The following AGO3 variants were observed in gnomAD, a reference collection of about 807,000 sequenced individuals.
AGO3 encodes protein argonaute-3.
Under a neutral mutation model 105.5 loss-of-function variants are expected in AGO3, and 16 were observed. The observed-to-expected ratio is 0.15, with a 90% CI of 0.10 to 0.23. AGO3 has a LOEUF of 0.23. Ranked by LOEUF, AGO3 falls within the 10% of genes least tolerant of loss-of-function variation. The pLI, the probability that AGO3 is intolerant of heterozygous loss-of-function variation, is 1.00. For synonymous variants in AGO3, 340 were observed against 367.3 expected (o/e 0.93, Z 0.85); for missense variants, 534 against 1,088.0 (o/e 0.49, Z 7.16).
chr1:35,985,471 C>G (rs1367305173), intron 5 of AGO3, among the ~76,000 whole-genome samples: 2 of 152,076 alleles, frequency 1.3e-5, no homozygotes, highest in Non-Finnish European at 2.9e-5. Flanking sequence ...CAGGAACAGG[C>G]AGATTAATGA....
chr1:35,991,308 G>A (rs1464850724), intron 5 of AGO3, among the ~76,000 whole-genome samples: 1 of 151,858 alleles, frequency 6.6e-6, no homozygotes, highest in Admixed American at 6.6e-5. Flanking sequence ...AACAAAAACA[G>A]TAATGGCTGC....
intron 5 of AGO3, among the ~76,000 whole-genome samples, chr1:35,995,898 G>A (rs1050535774): frequency 5.9e-5 from 9 of 152,032 alleles, no homozygotes; most frequent in African/African-American, 1.4e-4. Flanking sequence ...GGCTGGTCTC[G>A]AACTCCCTGA....
chr1:36,060,554 A>T lies in AGO3; in HGVS notation c.*4809A>T, dbSNP rs1412877890. ...AGCAAACGACTTCGATACAGCTAGA[A>T]TATGTTGCAGTCTTCCTATTTCAAA... is the stretch of plus-strand genomic sequence containing the variant. On this transcript the variant is annotated 3_prime_UTR_variant, in exon 19 of 19. Transcript: ENST00000373191. The T allele has an allele frequency of 1.3e-5, 2 of 152,250 alleles. No individual in the cohort carries two copies. Among genetic ancestry groups the T allele is most frequent in the Non-Finnish European group, 2.9e-5 (2 of 68,036 alleles). 9.4% of individuals were successfully genotyped at this position (152,250 alleles called of 1,614,324 possible).
chr1:35,996,103 C>A (rs1262140289), intron 5 of AGO3, among the ~76,000 whole-genome samples: 2 of 152,064 alleles, frequency 1.3e-5, no homozygotes, highest in Non-Finnish European at 2.9e-5. Context: ...CTTTGGGAGG[C>A]CTAGGCAAGA....
intron 6 of AGO3, among the ~76,000 whole-genome samples, chr1:36,006,544 A>G (rs564284428): frequency 2.0e-5 from 3 of 152,212 alleles, no homozygotes; most frequent in Non-Finnish European, 2.9e-5. Flanking sequence ...AATAACAGAA[A>G]TTTGTTTTAG....
In AGO3 at chr1:35,947,901, TAAA is replaced by T. The variant is rs1160813641; in HGVS notation, c.191+2041_191+2043del. On this transcript the variant is annotated intron_variant, in intron 2 of 18. Transcript: ENST00000373191. Reference sequence around the variant, plus strand: ...ACCCTTCTGGTAGATATTTACACTTTAAAAAGGCATTTATTAGCTGAGCCATGG... The same window carrying T: ...ACCCTTCTGGTAGATATTTACACTTTAAGGCATTTATTAGCTGAGCCATGG... Among the ~76,000 whole-genome samples the T allele has an allele frequency of 3.9e-5, 6 of 152,102 alleles. No individual in the cohort carries two copies. In the East Asian group the frequency reaches 1.2e-3, roughly 29 times the overall value.
chr1:36,000,024 G>A (rs1640008989), intron 5 of AGO3, among the ~76,000 whole-genome samples: 1 of 151,684 alleles, frequency 6.6e-6, no homozygotes, highest in Non-Finnish European at 1.5e-5. Flanking sequence ...AAGAGTATTT[G>A]CTTCAGTGCT....
At chr1:35,989,464 G>A (rs1369405560) in intron 5 of AGO3, among the ~76,000 whole-genome samples, 2 of 152,320 alleles carry the variant, frequency 1.3e-5, no homozygotes, top group East Asian at 3.9e-4. Flanking sequence ...AAATACTGGT[G>A]CAGCTTACCA....
In AGO3 at chr1:36,003,707, A is replaced by AT. The variant is rs1194799778; in HGVS notation, c.659-634_659-633insT. On this transcript the variant is annotated intron_variant, in intron 5 of 18. Transcript: ENST00000373191. ...GAAAGTCTGTCTCAAAAAAAAAAAA[A>AT]AAATATATATATATATATATATATA... 4.7e-4 allele frequency among the ~76,000 whole-genome samples: 57 copies of AT among 120,238 alleles called. 1 individual carries two copies. Among genetic ancestry groups the AT allele is most frequent in the East Asian group, 2.1e-3 (7 of 3,410 alleles). 78.9% of individuals were successfully genotyped at this position (120,238 alleles called of 152,430 possible). A position where few individuals can be genotyped will look rare whatever the true frequency, so the allele number is the denominator to read the frequency against.
At chr1:35,958,804 A>G (rs1214147118) in intron 2 of AGO3, among the ~76,000 whole-genome samples, 1 of 152,266 alleles carries the variant, frequency 6.6e-6, no homozygotes, top group Non-Finnish European at 1.5e-5. Context: ...TTGGAAGGAT[A>G]CAAAGAGAGA....
In AGO3 at chr1:36,056,597, GACAC is replaced by G. The variant is rs1642924234; in HGVS notation, c.*858_*861del. The stretch of plus-strand genomic sequence containing the variant: ...ATGTATACATACATACACAGACACA[GACAC>G]ACACATATATATACATAAAATAACT... On this transcript the variant is annotated 3_prime_UTR_variant, in exon 19 of 19. Transcript: ENST00000373191. 1 of 151,882 alleles carries G rather than the reference GACAC, an allele frequency of 6.6e-6. No homozygotes were observed. The highest frequency in any genetic ancestry group is 2.4e-5 in the African/African-American group (1 of 41,346). The allele number at this position is 151,882 out of a possible 1,614,324, so 9.4% of individuals were successfully genotyped here.
At chr1:35,950,810 G>A (rs971780455) in intron 2 of AGO3, among the ~76,000 whole-genome samples, 36 of 152,034 alleles carry the variant, frequency 2.4e-4, no homozygotes, top group Admixed American at 2.3e-3. Flanking sequence ...GATAGTATAT[G>A]TATTTATTCA....
chr1:36,010,206 T>G (rs1259512775), intron 9 of AGO3, among the ~76,000 whole-genome samples: 1 of 152,202 alleles, frequency 6.6e-6, no homozygotes, highest in African/African-American at 2.4e-5. Flanking sequence ...CCCAAAGTGC[T>G]AGGATTACAG....
chr1:35,931,702 T>C (rs1388183517), intron 1 of AGO3, among the ~76,000 whole-genome samples: 2 of 152,260 alleles, frequency 1.3e-5, no homozygotes, highest in South Asian at 2.1e-4. Context: ...GCGGCATTAC[T>C]CTTTGCTGGA....
intron 14 of AGO3, 125 bp downstream of exon 14, chr1:36,036,392 A>G: frequency 1.1e-6 from 1 of 910,040 alleles, no homozygotes; most frequent in Non-Finnish European, 1.7e-6. Flanking sequence ...TGGGTTTTTG[A>G]AAAGAATGAT....
At chr1:35,934,837 A>G (rs1020056677) in intron 1 of AGO3, among the ~76,000 whole-genome samples, 4 of 152,106 alleles carry the variant, frequency 2.6e-5, no homozygotes, top group African/African-American at 9.7e-5. Flanking sequence ...TTTTTAGTAG[A>G]GACGGGGTTT....
chr1:36,038,252 C>CTTTTTTTTTT (rs781058020), intron 14 of AGO3, among the ~76,000 whole-genome samples: 1 of 112,656 alleles, frequency 8.9e-6, no homozygotes, highest in Non-Finnish European at 1.7e-5. Context: ...TGGATTTATT[C>CTTTTTTTTTT]TTTTTTTTTT....
intron 2 of AGO3, among the ~76,000 whole-genome samples, chr1:35,965,898 T>C (rs1324646215): frequency 2.0e-5 from 3 of 148,554 alleles, no homozygotes; most frequent in Non-Finnish European, 4.5e-5. Flanking sequence ...TGATCTCGGC[T>C]CACCACAACC....
intron 5 of AGO3, chr1:35,982,739 G>T (rs1035511896): frequency 1.5e-6 from 1 of 682,008 alleles, no homozygotes; most frequent in Admixed American, 2.4e-5. Context: ...GTCTAATGTG[G>T]GATGGAGAGG....
Sources: gnomAD v4.1 joint callset for allele counts (sites outside exome capture counted in the v4.1 genomes callset) on GRCh38, gnomAD v4.1.1 for gene constraint, MANE v1.5 for transcripts, NCBI Gene and HGNC (gene_info 2026-07-23, HGNC 2026-07-21) for gene names.